The following RTN4 variants were observed in gnomAD, a reference collection of about 807,000 sequenced individuals.
RTN4 encodes the protein reticulon 4.
Under a neutral mutation model 90.4 loss-of-function variants are expected in RTN4, and 32 were observed. The observed-to-expected ratio is 0.35, with a 90% CI of 0.27 to 0.48. The LOEUF (loss-of-function observed/expected upper bound fraction) is 0.48. RTN4 is among the 20% of genes least tolerant of loss of function. The pLI is 0.99. For synonymous variants in RTN4, 629 were observed against 552.5 expected, an observed-to-expected ratio of 1.14 and a Z score of -1.94; for missense variants, 1,706 against 1,430.2, an observed-to-expected ratio of 1.19 and a Z score of -3.11.
At chr2:55,049,083 A>ACTCTCT (rs1344374445) in intron 1 of RTN4, 34 of 983,418 alleles carry the variant, frequency 3.5e-5, no homozygotes, top group Non-Finnish European at 3.7e-5. Context: ...CTTTACCAGA[A>ACTCTCT]CTCTCTCCTT....
intron 5 of RTN4, among the ~76,000 whole-genome samples, chr2:54,980,267 G>A (rs1002275277): frequency 6.6e-6 from 1 of 151,926 alleles, no homozygotes; most frequent in African/African-American, 2.4e-5. Flanking sequence ...TCTCAAATAC[G>A]TGTGCAAAAC....
chr2:55,015,326 C>T (rs943545799), intron 3 of RTN4, among the ~76,000 whole-genome samples: 1 of 152,042 alleles, frequency 6.6e-6, no homozygotes, highest in Non-Finnish European at 1.5e-5. Flanking sequence ...AATCCCTAAT[C>T]GGAATCCAAA....
chr2:54,973,282 T>C (rs1046957441), intron 8 of RTN4, 84 bp from the exon 9 acceptor site: 6 of 1,197,948 alleles, frequency 5.0e-6, no homozygotes, highest in Non-Finnish European at 7.3e-6. Context: ...TTGTATGTTA[T>C]TCAGCTAATA....
rs189470497 is a variant in RTN4 at position 55,091,254 on chromosome 2, C to T, written c.-213-10615G>A. The stretch of plus-strand genomic sequence containing the variant: ...CCTCTCTGTGGCCTAGGGGGCCCCA[C>T]GTGATTGGGCCGTGTTTACCACTCT... On this transcript the variant is annotated intron_variant, in intron 1 of 3. Transcript: ENST00000427710. 5.3e-5 allele frequency among the ~76,000 whole-genome samples: 8 copies of T among 152,312 alleles called. No individual in the cohort carries two copies. The East Asian group carries it at 5.8e-4, about 11-fold the overall frequency.
At chr2:54,995,953 T>C (rs1281441784) in intron 3 of RTN4, among the ~76,000 whole-genome samples, 1 of 152,140 alleles carries the variant, frequency 6.6e-6, no homozygotes. Flanking sequence ...GGGTCTGTTG[T>C]ATGTATTTTA....
At chr2:55,069,818 C>T (rs926083793) in intron 2 of RTN4, among the ~76,000 whole-genome samples, 3 of 152,168 alleles carry the variant, frequency 2.0e-5, no homozygotes, top group African/African-American at 7.2e-5. Context: ...CACAGTGGAA[C>T]TGAACCATGT....
At chr2:55,124,387 T>C in the RTN4 span, among the ~76,000 whole-genome samples, 85 of 152,316 alleles carry the variant, frequency 5.6e-4, 1 homozygote, top group African/African-American at 1.9e-3. Context: ...CTTGCAGGCA[T>C]GTAAGGCTAA....
chr2:55,116,016 C>T (rs1482676762), upstream of RTN4, among the ~76,000 whole-genome samples: 2 of 151,276 alleles, frequency 1.3e-5, no homozygotes, highest in Admixed American at 6.6e-5. Context: ...AACATGGCTA[C>T]TGTTGTGGCC....
At chr2:55,065,126 T>C (rs975122370) in intron 2 of RTN4, among the ~76,000 whole-genome samples, 14 of 152,252 alleles carry the variant, frequency 9.2e-5, no homozygotes, top group Non-Finnish European at 8.8e-5. Context: ...TCTACTCTCA[T>C]AGGATGTCTT....
chr2:55,115,104 C>T (rs539529719), upstream of RTN4, among the ~76,000 whole-genome samples: 12 of 152,276 alleles, frequency 7.9e-5, no homozygotes, highest in East Asian at 1.2e-3. Flanking sequence ...TGCATATTAG[C>T]TTTTTGTGGT....
chr2:55,051,123 C>A (rs1668079292), upstream of RTN4, among the ~76,000 whole-genome samples: 1 of 152,220 alleles, frequency 6.6e-6, no homozygotes, highest in Admixed American at 6.5e-5. Context: ...TAGGCTCACT[C>A]AGTCTAAACC....
In RTN4 at chr2:55,108,232, G is replaced by A. The variant is rs377085091; in HGVS notation, c.-214+4288C>T. Among the ~76,000 whole-genome samples the A allele has an allele frequency of 7.2e-5, 11 of 152,294 alleles. No individual in the cohort carries two copies. The East Asian group carries it at 2.1e-3, about 29-fold the overall frequency. On this transcript the variant is annotated intron_variant, in intron 1 of 3. Transcript: ENST00000427710. Reference sequence around the variant, plus strand: ...GGCCTCCCAAAGTGCTGTGATTACAGGCGTGAGCCAACCCACCCAGCCCAG... The same window carrying A: ...GGCCTCCCAAAGTGCTGTGATTACAAGCGTGAGCCAACCCACCCAGCCCAG...
intron 1 of RTN4, among the ~76,000 whole-genome samples, chr2:55,081,476 A>AAT: frequency 6.6e-6 from 1 of 152,098 alleles, no homozygotes; most frequent in Non-Finnish European, 1.5e-5. Flanking sequence ...TTCATACCTA[A>AAT]ATATATATAT....
the RTN4 span, among the ~76,000 whole-genome samples, chr2:55,128,890 T>G: frequency 4.6e-5 from 7 of 151,266 alleles, no homozygotes; most frequent in African/African-American, 1.5e-4. Context: ...GTGGATCACC[T>G]GAGGTCAGGA....
At chr2:55,129,770 C>T in the RTN4 span, among the ~76,000 whole-genome samples, 1 of 152,092 alleles carries the variant, frequency 6.6e-6, no homozygotes. Flanking sequence ...ACCGTGTTAG[C>T]TAGGATGGTC....
chr2:55,038,574 C>A (rs142778026), intron 1 of RTN4, among the ~76,000 whole-genome samples: 2 of 152,262 alleles, frequency 1.3e-5, no homozygotes, highest in Non-Finnish European at 2.9e-5. Flanking sequence ...CAATGAGGAA[C>A]CACTACATAA....
At chr2:55,046,971 A>C (rs944782263) in intron 1 of RTN4, 2 of 152,226 alleles carry the variant, frequency 1.3e-5, no homozygotes, top group African/African-American at 4.8e-5. Context: ...CTAATGTTCA[A>C]AGACAGAACT....
intron 3 of RTN4, among the ~76,000 whole-genome samples, chr2:54,989,684 T>A (rs1396294594): frequency 2.0e-5 from 3 of 152,126 alleles, no homozygotes; most frequent in African/African-American, 7.2e-5. Flanking sequence ...ATAAGACATA[T>A]AAAAGCAAGT....
chr2:55,119,656 A>C, the RTN4 span, among the ~76,000 whole-genome samples: 1 of 152,352 alleles, frequency 6.6e-6, no homozygotes, highest in South Asian at 2.1e-4. Context: ...AAATGATGAA[A>C]GTATTACAGG....
Sources: gnomAD v4.1 joint callset for allele counts (sites outside exome capture counted in the v4.1 genomes callset) on GRCh38, gnomAD v4.1.1 for gene constraint, MANE v1.5 for transcripts, NCBI Gene and HGNC (gene_info 2026-07-23, HGNC 2026-07-21) for gene names.